Variants in MEIKIN observed in about 807,000 individuals in gnomAD.
MEIKIN encodes meiosis-specific kinetochore protein.
At chr5:131,924,981 T>G (rs1471195821) in intron 5 of MEIKIN, among the ~76,000 whole-genome samples, 1 of 152,212 alleles carries the variant, frequency 6.6e-6, no homozygotes, top group Non-Finnish European at 1.5e-5. Flanking sequence ...TTAATCCAAT[T>G]TGAATTAATT....
chr5:131,820,915 C>A (rs547464024), intron 11 of MEIKIN, among the ~76,000 whole-genome samples: 331 of 152,174 alleles, frequency 2.2e-3, no homozygotes, highest in African/African-American at 5.9e-3. Context: ...CTTAGTCTGG[C>A]TAATGATTTG....
At chr5:131,881,559 T>TA (rs2149629366) in intron 8 of MEIKIN, among the ~76,000 whole-genome samples, 1 of 152,322 alleles carries the variant, frequency 6.6e-6, no homozygotes, top group East Asian at 1.9e-4. Flanking sequence ...TACGTATCCA[T>TA]AGCCCCAGCC....
chr5:131,881,292 T>A (rs1199738284), intron 8 of MEIKIN, among the ~76,000 whole-genome samples: 3 of 152,226 alleles, frequency 2.0e-5, no homozygotes, highest in Non-Finnish European at 4.4e-5. Context: ...TCTTGATAAC[T>A]TTTGTCATAG....
In MEIKIN at chr5:131,828,605, AAAG is replaced by A. The variant is rs1450448066; in HGVS notation, c.976-9745_976-9743del. On this transcript the variant is annotated intron_variant, in intron 11 of 12. Transcript: ENST00000442687. ...CCATATAACAGATGCTCAAAAAAAG[AAAG>A]AAGTAGAGATTATCAATAAAATGAT... Among the ~76,000 whole-genome samples the A allele has an allele frequency of 3.3e-5, 5 of 152,348 alleles. No individual in the cohort carries two copies. In the East Asian group the frequency reaches 9.6e-4, roughly 29 times the overall value.
chr5:131,867,463 A>G (rs960908202), intron 9 of MEIKIN, among the ~76,000 whole-genome samples: 9 of 152,210 alleles, frequency 5.9e-5, no homozygotes, highest in Admixed American at 5.2e-4. Context: ...AATGAGATGT[A>G]CCCACCATTC....
chr5:131,879,587 T>C (rs547933707), intron 8 of MEIKIN, among the ~76,000 whole-genome samples: 3 of 152,352 alleles, frequency 2.0e-5, no homozygotes, highest in African/African-American at 7.2e-5. Context: ...CCTCCTGCTA[T>C]AGCCCCTGTA....
At chr5:131,894,673 A>G (rs1219541549) in intron 8 of MEIKIN, among the ~76,000 whole-genome samples, 1 of 152,082 alleles carries the variant, frequency 6.6e-6, no homozygotes, top group East Asian at 1.9e-4. Flanking sequence ...TGTGAATGGG[A>G]GTTCACTCAT....
intron 7 of MEIKIN, among the ~76,000 whole-genome samples, chr5:131,916,272 C>T (rs1244741650): frequency 6.6e-6 from 1 of 152,156 alleles, no homozygotes; most frequent in East Asian, 1.9e-4. Context: ...AAGGACAATT[C>T]ACCCAAAAAA....
At chr5:131,937,786 T>C (rs1478717985) in intron 4 of MEIKIN, among the ~76,000 whole-genome samples, 1 of 152,184 alleles carries the variant, frequency 6.6e-6, no homozygotes, top group Non-Finnish European at 1.5e-5. Context: ...CAACTGATTA[T>C]TTTTTCTCTG....
intron 11 of MEIKIN, among the ~76,000 whole-genome samples, chr5:131,827,916 T>C (rs1749642654): frequency 6.6e-6 from 1 of 152,040 alleles, no homozygotes; most frequent in African/African-American, 2.4e-5. Context: ...GGCATGGTGG[T>C]GCATGACTGT....
chr5:131,808,519 A>G (rs185981094), intron 12 of MEIKIN, among the ~76,000 whole-genome samples: 2 of 152,322 alleles, frequency 1.3e-5, no homozygotes, highest in Admixed American at 1.3e-4. Context: ...ATACCAATAA[A>G]AAATTTCTAG....
At chr5:131,860,745 C>A (rs1310621942) in intron 9 of MEIKIN, among the ~76,000 whole-genome samples, 4 of 142,956 alleles carry the variant, frequency 2.8e-5, no homozygotes, top group South Asian at 2.3e-4. Flanking sequence ...CCATGCCCAG[C>A]CTGTTTGGCT....
intron 11 of MEIKIN, among the ~76,000 whole-genome samples, chr5:131,826,261 T>G (rs1749607098): frequency 6.6e-6 from 1 of 151,974 alleles, no homozygotes; most frequent in Non-Finnish European, 1.5e-5. Context: ...AAAAATGATC[T>G]GAGACGGTTG....
chr5:131,835,198 G>GTGTGTATATATATGTGTATA (rs1458270741), intron 11 of MEIKIN, among the ~76,000 whole-genome samples: 21 of 150,048 alleles, frequency 1.4e-4, no homozygotes, highest in African/African-American at 2.7e-4. Flanking sequence ...ATGTGTGTGT[G>GTGTGTATATATATGTGTATA]TATATATATG....
intron 11 of MEIKIN, among the ~76,000 whole-genome samples, chr5:131,830,340 T>C (rs886490999): frequency 3.9e-5 from 6 of 152,190 alleles, no homozygotes; most frequent in African/African-American, 1.2e-4. Context: ...AAGGCTACAG[T>C]GAGCCATTAT....
intron 8 of MEIKIN, among the ~76,000 whole-genome samples, chr5:131,903,343 C>A (rs867024549): frequency 1.9e-4 from 29 of 152,206 alleles, no homozygotes; most frequent in African/African-American, 7.0e-4. Context: ...TCAAGACACA[C>A]AGTCATCAGA....
At chr5:131,929,823 G>A (rs1476924862) in intron 5 of MEIKIN, among the ~76,000 whole-genome samples, 3 of 152,154 alleles carry the variant, frequency 2.0e-5, no homozygotes, top group Admixed American at 6.5e-5. Context: ...TAGGATAACG[G>A]TCTCTAGCTG....
chr5:131,829,171 A>G (rs1245690017), intron 11 of MEIKIN, among the ~76,000 whole-genome samples: 1 of 152,254 alleles, frequency 6.6e-6, no homozygotes, highest in African/African-American at 2.4e-5. Flanking sequence ...TGGAAGCTAG[A>G]ACTACAATAA....
At chr5:131,870,872 T>A (rs549515729) in intron 9 of MEIKIN, among the ~76,000 whole-genome samples, 43 of 152,312 alleles carry the variant, frequency 2.8e-4, no homozygotes, top group African/African-American at 1.0e-3. Context: ...CTTTTCTATT[T>A]GCTCTCTAAT....
Sources: allele counts gnomAD v4.1 joint callset (sites outside exome capture counted in the v4.1 genomes callset), GRCh38; gene constraint gnomAD v4.1.1; transcripts MANE v1.5; gene names NCBI Gene and HGNC (gene_info 2026-07-23, HGNC 2026-07-21).